LILRB3: variants seen among roughly 807,000 people sequenced by gnomAD.
LILRB3 encodes leukocyte immunoglobulin-like receptor subfamily B member 3.
LILRB3 carries 32 observed loss-of-function variants against 68.2 expected under a neutral mutation model. The ratio of observed to expected loss-of-function variants is 0.47; its 90% CI spans 0.35 to 0.63. The LOEUF is 0.63. Among genes scored for constraint, LILRB3 ranks in the 30% least tolerant of loss-of-function variants. LILRB3 has a pLI of 0.00. For synonymous variants in LILRB3, 185 were observed against 323.1 expected, an observed-to-expected ratio of 0.57 and a Z score of 4.58; for missense variants, 502 against 791.3, an observed-to-expected ratio of 0.63 and a Z score of 4.39.
rs771999880 is a variant in LILRB3, at chr19:54,221,952, C to G, written c.534G>C (p.Gln178His). ...TCACGGGGCCCACAGGGAACAGGGC[C>G]TGGAACCCCCCACTGTGGAGCTGCT... Residue 178 changes from glutamine to histidine, a missense_variant, in exon 4 of 13, where the codon CAG becomes CAC. Physicochemically the swap from Gln to His is conservative, Grantham distance 24. Transcript: ENST00000445347. The G allele has an allele frequency of 6.9e-3, 11,098 of 1,603,730 alleles. 68 individuals carry two copies. The African/African-American group carries it at 0.12, about 18-fold the overall frequency.
In LILRB3 at chr19:54,218,757, A is replaced by G; in HGVS notation, c.1502+6T>C. The G allele has an allele frequency of 6.2e-7, 1 of 1,614,036 alleles. No homozygotes were observed. The highest frequency in any genetic ancestry group is 8.5e-7 in the Non-Finnish European group (1 of 1,179,992). On this transcript the variant is annotated splice_donor_region_variant and intron_variant, in intron 9 of 12. Transcript: ENST00000445347. ...TGGGAGTCTGTGGTCTTTGGGGCAGAATTACCTCCTCAGCAGGCCCCTGTC... is the reference window on the plus strand; with the variant it reads ...TGGGAGTCTGTGGTCTTTGGGGCAGGATTACCTCCTCAGCAGGCCCCTGTC...
intron 12 of LILRB3, 40 bp from the exon 13 acceptor site, chr19:54,217,279 G>C (rs762901308): frequency 6.3e-7 from 1 of 1,593,962 alleles, no homozygotes; most frequent in African/African-American, 1.5e-5. Flanking sequence ...ACGTGGTGGG[G>C]GTGGGGGAGG....
chr19:54,219,023 T>C (rs2077782803), intron 8 of LILRB3, 106 bp downstream of exon 8: 2 of 1,528,430 alleles, frequency 1.3e-6, no homozygotes, highest in Non-Finnish European at 8.8e-7. Flanking sequence ...TACGTGCCCC[T>C]GGAACCGGTT....
chr19:54,221,639 C>G (rs1162835961), intron 4 of LILRB3, 189 bp downstream of exon 4: 3 of 1,575,720 alleles, frequency 1.9e-6, no homozygotes, highest in Non-Finnish European at 2.6e-6. Context: ...TGAGTCCTCC[C>G]CTTCCAGGTG....
At chr19:54,217,527 G>A (rs1258289677) in intron 11 of LILRB3, 53 bp from the exon 12 acceptor site, 5 of 1,562,766 alleles carry the variant, frequency 3.2e-6, no homozygotes, top group African/African-American at 2.8e-5. Context: ...CTGACCTCCT[G>A]GAGTCAATTT....
intron 7 of LILRB3, 71 bp from the exon 8 acceptor site, chr19:54,219,316 C>T: frequency 6.6e-7 from 1 of 1,504,778 alleles, no homozygotes. Flanking sequence ...AGGCGCGAGC[C>T]AGGTCTTTCC....
exon 4 of LILRB3, chr19:54,222,121 T>C (rs200783306): frequency 0.018 from 27,615 of 1,513,746 alleles, 2,307 homozygotes; most frequent in African/African-American, 0.15. Flanking sequence ...GGTGGGTTTG[T>C]TGTAGAATCC....
exon 1 of LILRB3, chr19:54,222,969 G>A (rs765774310): frequency 1.2e-6 from 2 of 1,612,590 alleles, no homozygotes; most frequent in Non-Finnish European, 1.7e-6. Flanking sequence ...TGTGAGGGCG[G>A]GCGTCATGGC....
chr19:54,216,648 T>A (rs988250420), exon 13 of LILRB3: 1 of 1,023,418 alleles, frequency 9.8e-7, no homozygotes, highest in African/African-American at 1.7e-5. Flanking sequence ...ATAAGTTCGA[T>A]GTATAATATT....
At chr19:54,219,210 A>C (rs558359265) in exon 8 of LILRB3, 1 of 1,602,532 alleles carries the variant, frequency 6.2e-7, no homozygotes, top group East Asian at 2.2e-5. Context: ...AAGGCCACCG[A>C]GACCCCAATC....
intron 10 of LILRB3, 68 bp downstream of exon 10, chr19:54,218,577 T>C: frequency 6.2e-7 from 1 of 1,612,360 alleles, no homozygotes. Context: ...AGCCCCTCCC[T>C]GTTGCTACTG....
At chr19:54,221,554 C>G in intron 4 of LILRB3, 175 bp from the exon 5 acceptor site, 1 of 1,458,838 alleles carries the variant, frequency 6.9e-7, no homozygotes. Context: ...GTCTCCCTAG[C>G]CCTGGCCACT....
intron 7 of LILRB3, chr19:54,219,597 T>G: frequency 6.5e-7 from 1 of 1,543,790 alleles, no homozygotes; most frequent in South Asian, 1.2e-5. Flanking sequence ...TCACCGTCAC[T>G]GCTGCAGGTG....
chr19:54,219,580 C>T (rs1271779858), intron 7 of LILRB3: 1 of 1,547,176 alleles, frequency 6.5e-7, no homozygotes, highest in Non-Finnish European at 8.7e-7. Context: ...CCCTCCCCTG[C>T]CCCAGGTCAC....
At chr19:54,221,970 G>T in exon 4 of LILRB3, 1 of 1,608,044 alleles carries the variant, frequency 6.2e-7, no homozygotes, top group African/African-American at 1.4e-5. Flanking sequence ...CCCCACTGTG[G>T]AGCTGCTGTG....
At chr19:54,216,592 G>A in exon 13 of LILRB3, 9 of 1,005,258 alleles carry the variant, frequency 9.0e-6, no homozygotes, top group Non-Finnish European at 1.1e-5. Flanking sequence ...TTATAGGCGT[G>A]AGCCACCGCG....
intron 7 of LILRB3, 28 bp downstream of exon 7, chr19:54,220,127 C>G (rs376976191): frequency 1.3e-6 from 2 of 1,508,124 alleles, no homozygotes; most frequent in Non-Finnish European, 1.8e-6. Context: ...GGGGAGGCGG[C>G]GCTCCCCAAG....
intron 7 of LILRB3, 181 bp from the exon 8 acceptor site, chr19:54,219,426 C>T (rs1037518411): frequency 4.2e-5 from 63 of 1,497,922 alleles, no homozygotes; most frequent in Admixed American, 5.9e-5. Flanking sequence ...AGCAGGGAGT[C>T]GCCTGCCCCA....
intron 11 of LILRB3, chr19:54,217,727 T>C (rs1404173583): frequency 4.4e-6 from 3 of 687,272 alleles, no homozygotes; most frequent in Non-Finnish European, 7.4e-6. Flanking sequence ...TGGGGGCCTT[T>C]GCACGGCTGT....
Sources: gnomAD v4.1 joint callset for allele counts on GRCh38, gnomAD v4.1.1 for gene constraint, MANE v1.5 for transcripts, NCBI Gene and HGNC (gene_info 2026-07-23, HGNC 2026-07-21) for gene names.